The following IL10RB variants were observed in gnomAD, a reference collection of about 807,000 sequenced individuals.
The protein encoded by IL10RB is interleukin 10 receptor subunit beta, also known as interleukin-10 receptor subunit beta.
A neutral mutation model predicts 38.7 loss-of-function variants in IL10RB; 30 were observed. That is an observed-to-expected ratio of 0.78 (90% CI 0.58 to 1.05). The LOEUF (loss-of-function observed/expected upper bound fraction) is 1.05. Among genes scored for constraint, IL10RB ranks in the 50% least tolerant of loss-of-function variants. The pLI is 0.00. For synonymous variants in IL10RB, 142 were observed against 145.9 expected, an observed-to-expected ratio of 0.97 and a Z score of 0.19; for missense variants, 328 against 397.1, an observed-to-expected ratio of 0.83 and a Z score of 1.48.
chr21:33,306,698 T>A (rs972826190), intron 1 of IL10RB, among the ~76,000 whole-genome samples: 1 of 152,090 alleles, frequency 6.6e-6, no homozygotes, highest in Non-Finnish European at 1.5e-5. Flanking sequence ...CATGCCCAGA[T>A]AATTTTTTTT....
chr21:33,301,627 C>T (rs1009645318), downstream of IL10RB, among the ~76,000 whole-genome samples: 4 of 152,234 alleles, frequency 2.6e-5, no homozygotes, highest in Non-Finnish European at 5.9e-5. Flanking sequence ...CATTGCACAC[C>T]TGCCCTATGG....
At chr21:33,287,301 A>G (rs1309032797) in intron 5 of IL10RB, among the ~76,000 whole-genome samples, 1 of 152,112 alleles carries the variant, frequency 6.6e-6, no homozygotes, top group East Asian at 1.9e-4. Context: ...TTGGCCTGCT[A>G]GAAGCTATGC....
intron 6 of IL10RB, among the ~76,000 whole-genome samples, chr21:33,289,524 C>G (rs1316888299): frequency 3.3e-5 from 5 of 152,192 alleles, no homozygotes; most frequent in African/African-American, 1.2e-4. Flanking sequence ...CAGCCCTCAT[C>G]CCAGAAAGCA....
Position 33,296,441 on chromosome 21 carries a change from C to CTT in IL10RB, c.*84_*85insTT. On this transcript the variant is annotated 3_prime_UTR_variant, in exon 7 of 7. Transcript: ENST00000290200. ...CTCAGTGAGGGATCAGGGCAGCAAA[C>CTT]AAGGGCCAAGACCATCTGAGCCAGC... 7.3e-7 allele frequency: 1 copy of CTT among 1,375,888 alleles called. No individual in the cohort carries two copies. The highest frequency in any genetic ancestry group is 1.0e-6 in the Non-Finnish European group (1 of 984,600). The allele number at this position is 1,375,888 out of a possible 1,614,324, so 85.2% of individuals were successfully genotyped here.
intron 1 of IL10RB, 80 bp downstream of exon 1, chr21:33,266,594 G>A (rs984289277): frequency 2.1e-6 from 3 of 1,425,194 alleles, no homozygotes; most frequent in Admixed American, 2.0e-5. Context: ...ATCCCTGGGC[G>A]CCCTGCAAGT....
At chr21:33,308,569 A>C (rs1397932714) in intron 1 of IL10RB, 1 of 152,242 alleles carries the variant, frequency 6.6e-6, no homozygotes, top group East Asian at 1.9e-4. Context: ...GAAACTTTTG[A>C]CAGTCCCGTA....
Position 33,283,248 on chromosome 21 carries a change from C to T in IL10RB, c.646+7C>T. 6.2e-7 allele frequency: 1 copy of T among 1,613,232 alleles called. No homozygotes were observed. Among genetic ancestry groups the T allele is most frequent in the Non-Finnish European group, 8.5e-7 (1 of 1,179,884 alleles). ...GAGCAAACAACCCATGACGGTAAGC[C>T]CTGAGATGCACCTCCGCTAAGCATC... On this transcript the variant is annotated splice_region_variant and intron_variant, in intron 5 of 6. Transcript: ENST00000290200.
chr21:33,303,826 G>A (rs1479720529), intron 1 of IL10RB, among the ~76,000 whole-genome samples: 1 of 152,230 alleles, frequency 6.6e-6, no homozygotes, highest in Non-Finnish European at 1.5e-5. Flanking sequence ...TCCCGAGGTT[G>A]TCACTGGAGA....
At chr21:33,286,623 G>T (rs1158817466) in intron 5 of IL10RB, among the ~76,000 whole-genome samples, 1 of 152,198 alleles carries the variant, frequency 6.6e-6, no homozygotes, top group African/African-American at 2.4e-5. Context: ...GGCCGGGGCA[G>T]GAGGATCGCT....
intron 6 of IL10RB, among the ~76,000 whole-genome samples, chr21:33,294,370 T>C (rs1989548678): frequency 1.8e-5 from 2 of 110,812 alleles, no homozygotes; most frequent in African/African-American, 9.4e-5. Flanking sequence ...GCCACCAGTT[T>C]GTGTGTGTGT....
chr21:33,290,881 G>A (rs760642077), intron 6 of IL10RB, among the ~76,000 whole-genome samples: 56 of 152,310 alleles, frequency 3.7e-4, no homozygotes, highest in South Asian at 1.4e-3. Flanking sequence ...AGTAGCACTC[G>A]TTGCGCAGCT....
intron 6 of IL10RB, among the ~76,000 whole-genome samples, chr21:33,290,208 T>C (rs1177409282): frequency 6.6e-6 from 1 of 151,686 alleles, no homozygotes; most frequent in Non-Finnish European, 1.5e-5. Context: ...GGAGAATCGC[T>C]TGAACTCGGG....
At chr21:33,308,327 C>G (rs1269141079) in intron 1 of IL10RB, 2 of 152,176 alleles carry the variant, frequency 1.3e-5, no homozygotes, top group African/African-American at 4.8e-5. Context: ...AAGTGAATCA[C>G]TTCATGGATG....
chr21:33,288,078 T>G, intron 5 of IL10RB, 26 bp from the exon 6 acceptor site: 2 of 1,612,858 alleles, frequency 1.2e-6, no homozygotes, highest in Non-Finnish European at 1.7e-6. Flanking sequence ...GTGACAAGAA[T>G]GTAACATGCC....
intron 1 of IL10RB, among the ~76,000 whole-genome samples, chr21:33,303,449 G>A (rs1384575170): frequency 6.7e-6 from 1 of 150,126 alleles, no homozygotes; most frequent in Non-Finnish European, 1.5e-5. Flanking sequence ...CCACCTCCCG[G>A]GTTCAAGCGA....
intron 3 of IL10RB, among the ~76,000 whole-genome samples, chr21:33,279,433 C>G (rs1989239316): frequency 6.6e-6 from 1 of 151,826 alleles, no homozygotes; most frequent in Admixed American, 6.6e-5. Flanking sequence ...GAGAAGACAC[C>G]AAAAACATAA....
At chr21:33,300,582 T>G (rs1027566398), downstream of IL10RB, among the ~76,000 whole-genome samples, 1 of 151,754 alleles carries the variant, frequency 6.6e-6, no homozygotes, top group Non-Finnish European at 1.5e-5. Context: ...ATATGCAAAG[T>G]GAAAGAAAAC....
chr21:33,272,160 A>G (rs544950874), intron 2 of IL10RB, among the ~76,000 whole-genome samples: 24 of 152,310 alleles, frequency 1.6e-4, no homozygotes, highest in Admixed American at 4.6e-4. Flanking sequence ...ATCTCTATCT[A>G]CTTTTTGCAA....
chr21:33,267,692 T>C (rs545107616), intron 1 of IL10RB, among the ~76,000 whole-genome samples: 1 of 151,904 alleles, frequency 6.6e-6, no homozygotes, highest in Admixed American at 6.6e-5. Context: ...ATTTTTGTAT[T>C]TTTATTGGAG....
Sources: gnomAD v4.1 joint callset for allele counts (sites outside exome capture counted in the v4.1 genomes callset) on GRCh38, gnomAD v4.1.1 for gene constraint, MANE v1.5 for transcripts, NCBI Gene and HGNC (gene_info 2026-07-23, HGNC 2026-07-21) for gene names.